RGPD2: variants seen among roughly 807,000 people sequenced by gnomAD.
RGPD2 encodes RANBP2-like and GRIP domain-containing protein 2.
A neutral mutation model predicts 36.0 loss-of-function variants in RGPD2; 2 were observed. The observed-to-expected ratio is 0.06, with a 90% CI of 0.02 to 0.17. The LOEUF is 0.17. Among genes scored for constraint, RGPD2 ranks in the 10% least tolerant of loss-of-function variants. The pLI is 1.00. For missense variants in RGPD2, 40 were observed against 464.3 expected (o/e 0.09, Z 8.40); for synonymous variants, 19 against 163.8 (o/e 0.12, Z 6.75).
chr2:87,824,862 GGCC>G (rs533529835), intron 1 of RGPD2: 441 of 37,470 alleles, frequency 0.012, 2 homozygotes, highest in East Asian at 0.078. Context: ...CCGAGGCCGA[GGCC>G]GCCGCCGCCG....
the RGPD2 span, among the ~76,000 whole-genome samples, chr2:87,890,297 G>T: frequency 7.2e-6 from 1 of 138,336 alleles, no homozygotes; most frequent in Non-Finnish European, 1.5e-5. Flanking sequence ...GGTAGACCTA[G>T]CTGCTGGATA....
At chr2:87,934,609 G>T in the RGPD2 span, among the ~76,000 whole-genome samples, 118 of 151,528 alleles carry the variant, frequency 7.8e-4, no homozygotes, top group African/African-American at 2.8e-3. Context: ...TTGCATATGT[G>T]TGTGCATGTA....
At chr2:87,984,005 C>T in the RGPD2 span, among the ~76,000 whole-genome samples, 93 of 151,496 alleles carry the variant, frequency 6.1e-4, no homozygotes, top group Middle Eastern at 6.8e-3. Flanking sequence ...AGAGGCGTGA[C>T]GAACGCAACC....
At chr2:87,928,787 C>G in the RGPD2 span, among the ~76,000 whole-genome samples, 1 of 149,336 alleles carries the variant, frequency 6.7e-6, no homozygotes, top group Non-Finnish European at 1.5e-5. Context: ...ATTTGCATCT[C>G]TCCAATGATC....
At chr2:87,985,726 C>T in the RGPD2 span, 20 of 1,586,304 alleles carry the variant, frequency 1.3e-5, no homozygotes, top group Non-Finnish European at 1.7e-5. Flanking sequence ...TATTTACTTA[C>T]ATTTCTAGTC....
the RGPD2 span, among the ~76,000 whole-genome samples, chr2:87,969,522 G>T: frequency 6.6e-6 from 1 of 151,694 alleles, no homozygotes; most frequent in South Asian, 2.1e-4. Flanking sequence ...GCCGGGCATG[G>T]CGTTGTGGGC....
At chr2:87,973,355 A>G in the RGPD2 span, among the ~76,000 whole-genome samples, 2 of 122,838 alleles carry the variant, frequency 1.6e-5, 1 homozygote, top group Non-Finnish European at 3.7e-5. Flanking sequence ...GAGCCAGTCA[A>G]GGAGGTGAGG....
At chr2:87,868,845 T>A in the RGPD2 span, among the ~76,000 whole-genome samples, 3 of 152,320 alleles carry the variant, frequency 2.0e-5, no homozygotes, top group South Asian at 6.2e-4. Flanking sequence ...GCACTCCAAA[T>A]GACCCTCTTT....
At chr2:87,813,140 A>T (rs1223912241) in intron 4 of RGPD2, among the ~76,000 whole-genome samples, 2 of 152,242 alleles carry the variant, frequency 1.3e-5, no homozygotes, top group East Asian at 1.9e-4. Context: ...AAACACATAT[A>T]AATACACACA....
At chr2:87,957,236 T>TGGCG in the RGPD2 span, among the ~76,000 whole-genome samples, 8 of 116,242 alleles carry the variant, frequency 6.9e-5, 1 homozygote, top group Admixed American at 4.2e-4. Context: ...ACAAGGTCAC[T>TGGCG]GGGGGGGGGC....
chr2:87,886,032 A>G, the RGPD2 span, among the ~76,000 whole-genome samples: 1 of 151,886 alleles, frequency 6.6e-6, no homozygotes, highest in South Asian at 2.1e-4. Flanking sequence ...AAACAAATAC[A>G]TTATAGATAA....
chr2:87,986,878 C>CA, the RGPD2 span, among the ~76,000 whole-genome samples: 99,691 of 142,886 alleles, frequency 0.7, 34,509 homozygotes, highest in East Asian at 0.82. Flanking sequence ...GAAACTGTCT[C>CA]AAAAAAAAAA....
At chr2:87,968,742 A>C in the RGPD2 span, 136 of 221,276 alleles carry the variant, frequency 6.1e-4, 3 homozygotes, top group African/African-American at 3.2e-3. Context: ...AAACCTGCTT[A>C]CCCTAACTGC....
the RGPD2 span, among the ~76,000 whole-genome samples, chr2:87,847,289 C>T: frequency 6.6e-6 from 1 of 152,208 alleles, no homozygotes; most frequent in African/African-American, 2.4e-5. Flanking sequence ...ATATTCAAAT[C>T]TCATTGCAGT....
At chr2:87,832,306 TG>T in the RGPD2 span, among the ~76,000 whole-genome samples, 1 of 149,660 alleles carries the variant, frequency 6.7e-6, no homozygotes, top group African/African-American at 2.5e-5. Context: ...TGTTAGTAAT[TG>T]TTTTAAATGT....
chr2:87,881,652 G>A, the RGPD2 span, among the ~76,000 whole-genome samples: 11 of 148,380 alleles, frequency 7.4e-5, no homozygotes, highest in South Asian at 1.5e-3. Context: ...GAAGTTTCAC[G>A]TTTTCCTTCA....
chr2:87,972,720 A>T, the RGPD2 span: 3 of 1,610,048 alleles, frequency 1.9e-6, no homozygotes, highest in African/African-American at 1.3e-5. Context: ...GCGCCGCAAC[A>T]GCAGCTTCGA....
At chr2:87,827,165 TAAAA>T (rs1686834626), upstream of RGPD2, among the ~76,000 whole-genome samples, 2 of 152,114 alleles carry the variant, frequency 1.3e-5, no homozygotes, top group South Asian at 4.2e-4. Flanking sequence ...GTGTAAGAGT[TAAAA>T]AGAATAATGT....
the RGPD2 span, chr2:87,985,903 A>T: frequency 1.3e-6 from 2 of 1,599,208 alleles, no homozygotes; most frequent in Non-Finnish European, 1.7e-6. Flanking sequence ...ATTGTTTGCA[A>T]ACATGTTTGT....
Sources: allele counts gnomAD v4.1 joint callset (sites outside exome capture counted in the v4.1 genomes callset), GRCh38; gene constraint gnomAD v4.1.1; transcripts MANE v1.5; gene names NCBI Gene and HGNC (gene_info 2026-07-23, HGNC 2026-07-21).